The following TFAP2D variants were observed in gnomAD, a reference collection of about 807,000 sequenced individuals.
The protein encoded by TFAP2D is transcription factor AP-2 delta, also known as transcription factor AP-2-delta.
In TFAP2D, 9 loss-of-function variants were observed where a neutral mutation model predicts 43.6. The ratio of observed to expected loss-of-function variants is 0.21; its 90% CI spans 0.12 to 0.36. The LOEUF (loss-of-function observed/expected upper bound fraction) is 0.36. Among genes scored for constraint, TFAP2D ranks in the 10% least tolerant of loss-of-function variants. The probability of loss-of-function intolerance (pLI) is 1.00; values close to 1 mark genes in which losing one functional copy is unlikely to be tolerated. For synonymous variants in TFAP2D, 256 were observed against 224.9 expected, an observed-to-expected ratio of 1.14 and a Z score of -1.24; for missense variants, 513 against 561.4, an observed-to-expected ratio of 0.91 and a Z score of 0.87.
In TFAP2D at chr6:50,763,788, ACT is replaced by A. The variant is rs1271241933; in HGVS notation, c.1140-8854_1140-8853del. Among the ~76,000 whole-genome samples, 8 of 152,214 alleles carry A rather than the reference ACT, an allele frequency of 5.3e-5. No individual in the cohort carries two copies. In the East Asian group the frequency reaches 1.4e-3, roughly 26 times the overall value. On this transcript the variant is annotated intron_variant, in intron 7 of 7. Coordinates refer to ENST00000008391, the MANE Select transcript of TFAP2D (RefSeq NM_172238.4). Reference sequence around the variant, plus strand: ...GACTTCATGATTCAGTTTATATGAAACTCTGGGGAAACGTGAAAATTATAGGA... The same window carrying A: ...GACTTCATGATTCAGTTTATATGAAACTGGGGAAACGTGAAAATTATAGGA...
At chr6:50,726,019 T>C (rs959071350) in intron 3 of TFAP2D, among the ~76,000 whole-genome samples, 3 of 152,224 alleles carry the variant, frequency 2.0e-5, no homozygotes, top group African/African-American at 7.2e-5. Context: ...GCAATTTGTG[T>C]GTGCATAAAG....
At chr6:50,763,229 A>C (rs1769389998) in intron 7 of TFAP2D, among the ~76,000 whole-genome samples, 1 of 152,138 alleles carries the variant, frequency 6.6e-6, no homozygotes, top group Non-Finnish European at 1.5e-5. Flanking sequence ...TTAAGCTAAA[A>C]ATCTATGATG....
intron 3 of TFAP2D, among the ~76,000 whole-genome samples, chr6:50,724,506 G>C (rs1159838728): frequency 6.6e-6 from 1 of 152,184 alleles, no homozygotes; most frequent in African/African-American, 2.4e-5. Flanking sequence ...GCGCCCGGAA[G>C]CCCGCTAGGA....
chr6:50,766,654 CTTTTTTTTTTTT>C (rs763018088), intron 7 of TFAP2D, among the ~76,000 whole-genome samples: 1 of 57,388 alleles, frequency 1.7e-5, no homozygotes, highest in Non-Finnish European at 3.5e-5. Context: ...AGATTGCTTT[CTTTTTTTTTTTT>C]TTTTTTTTTT....
At chr6:50,747,504 A>T (rs967115895) in intron 6 of TFAP2D, among the ~76,000 whole-genome samples, 2 of 152,130 alleles carry the variant, frequency 1.3e-5, no homozygotes, top group African/African-American at 4.8e-5. Context: ...TGGTTTTATC[A>T]TGCATATTCA....
chr6:50,741,386 C>G (rs926158442), intron 5 of TFAP2D, among the ~76,000 whole-genome samples: 23 of 152,020 alleles, frequency 1.5e-4, no homozygotes, highest in African/African-American at 5.6e-4. Context: ...TTTCATCACC[C>G]AGGTATTAAG....
At chr6:50,770,625 C>T (rs1461818623) in intron 7 of TFAP2D, among the ~76,000 whole-genome samples, 1 of 152,120 alleles carries the variant, frequency 6.6e-6, no homozygotes, top group Non-Finnish European at 1.5e-5. Context: ...AACAACCCCA[C>T]ATGGTAGATC....
chr6:50,771,257 T>C (rs1195644354), intron 7 of TFAP2D, among the ~76,000 whole-genome samples: 2 of 152,228 alleles, frequency 1.3e-5, no homozygotes, highest in African/African-American at 4.8e-5. Flanking sequence ...AGGTTCCTTC[T>C]AACTTGTTTT....
At chr6:50,746,843 T>C (rs1378585732) in intron 6 of TFAP2D, among the ~76,000 whole-genome samples, 1 of 152,082 alleles carries the variant, frequency 6.6e-6, no homozygotes, top group Non-Finnish European at 1.5e-5. Flanking sequence ...GGACTTAGGA[T>C]TATATTTATC....
At position 50,714,098 on chromosome 6, in the gene TFAP2D, T is replaced by G. The variant is rs767602410; in HGVS notation, c.39+4T>G. 1.0e-5 allele frequency: 16 copies of G among 1,596,860 alleles called. No individual in the cohort carries two copies. The highest frequency in any genetic ancestry group is 1.2e-5 in the Non-Finnish European group (14 of 1,176,014). On this transcript the variant is annotated splice_donor_region_variant and intron_variant, in intron 1 of 7. Transcript: ENST00000008391. ...GGGACTAGTCCACGATGCCGAGGTA[T>G]TATTACTTTTTTTTTTTTTTTTTTT...
At chr6:50,740,915 A>T (rs1437483942) in intron 5 of TFAP2D, among the ~76,000 whole-genome samples, 1 of 152,166 alleles carries the variant, frequency 6.6e-6, no homozygotes, top group Non-Finnish European at 1.5e-5. Context: ...ACATCAATGA[A>T]TGTCACTTAA....
intron 1 of TFAP2D, among the ~76,000 whole-genome samples, chr6:50,714,431 G>T (rs1277650054): frequency 6.6e-6 from 1 of 152,018 alleles, no homozygotes; most frequent in African/African-American, 2.4e-5. Context: ...AAAAGGGACT[G>T]GTGGGGAAGC....
Position 50,715,435 on chromosome 6 carries a change from G to T in TFAP2D, c.359G>T (p.Arg120Leu). 6.2e-7 allele frequency: 1 copy of T among 1,614,108 alleles called. No homozygotes were observed. Among genetic ancestry groups the T allele is most frequent in the Non-Finnish European group, 8.5e-7 (1 of 1,180,034 alleles). The change falls in exon 2 of 8, where the codon CGG (arginine) becomes CTG (leucine). Residue 120 changes from arginine to leucine, a missense_variant. By Grantham distance (102) the Arg-to-Leu change is moderately radical. Coordinates refer to ENST00000008391, the MANE Select transcript of TFAP2D (RefSeq NM_172238.4). ...GACTTTATTAACCTGCACAATGCGC[G>T]GGCGCTCAAGTCGTCCTGCCTGGAC... is the stretch of plus-strand genomic sequence containing the variant. The part of the protein sequence containing the change: ...PTDFINLHNA[R>L]ALKSSCLDEQ...
At chr6:50,726,414 T>C (rs919247867) in intron 3 of TFAP2D, among the ~76,000 whole-genome samples, 2 of 152,220 alleles carry the variant, frequency 1.3e-5, no homozygotes, top group African/African-American at 4.8e-5. Flanking sequence ...TCACTTATCA[T>C]AAACTTGAAG....
chr6:50,759,744 G>A (rs1199875104), intron 7 of TFAP2D, among the ~76,000 whole-genome samples: 1 of 152,022 alleles, frequency 6.6e-6, no homozygotes, highest in Non-Finnish European at 1.5e-5. Flanking sequence ...CTCTTCTAAT[G>A]TATGTGCAAT....
intron 5 of TFAP2D, among the ~76,000 whole-genome samples, chr6:50,740,063 G>C (rs1307471699): frequency 3.9e-5 from 6 of 152,162 alleles, no homozygotes; most frequent in African/African-American, 1.2e-4. Flanking sequence ...GTTTGCTAAA[G>C]CTTGATAGTA....
At chr6:50,731,865 T>C (rs1178319868) in intron 5 of TFAP2D, among the ~76,000 whole-genome samples, 1 of 152,008 alleles carries the variant, frequency 6.6e-6, no homozygotes, top group Admixed American at 6.6e-5. Flanking sequence ...CTGCAGATGG[T>C]ATTAGGTGTA....
chr6:50,719,447 G>GAGAA (rs531796279), intron 3 of TFAP2D, among the ~76,000 whole-genome samples: 34,535 of 131,520 alleles, frequency 0.26, 4,550 homozygotes, highest in Admixed American at 0.3. Flanking sequence ...AAAAGACAGA[G>GAGAA]AGAAAGAAAG....
At chr6:50,772,013 C>T (rs1769535652) in intron 7 of TFAP2D, among the ~76,000 whole-genome samples, 1 of 152,096 alleles carries the variant, frequency 6.6e-6, no homozygotes, top group Non-Finnish European at 1.5e-5. Flanking sequence ...CAATGATAGA[C>T]TGGATTAAGA....
Sources: allele counts gnomAD v4.1 joint callset (sites outside exome capture counted in the v4.1 genomes callset), GRCh38; gene constraint gnomAD v4.1.1; transcripts MANE v1.5; gene names NCBI Gene and HGNC (gene_info 2026-07-23, HGNC 2026-07-21).